The following ELFN1 variants were observed in gnomAD, a reference collection of about 807,000 sequenced individuals.
The protein encoded by ELFN1 is protein ELFN1.
In ELFN1, 6 loss-of-function variants were observed where a neutral mutation model predicts 7.6. That is an observed-to-expected ratio of 0.79 (90% confidence interval 0.43 to 1.56). The LOEUF is 1.56. ELFN1 is among the 40% of genes most tolerant of loss of function. The pLI, the probability that ELFN1 is intolerant of heterozygous loss-of-function variation, is 0.01. For synonymous variants in ELFN1, 657 were observed against 588.1 expected (o/e 1.12, Z -1.70); for missense variants, 1,169 against 1,232.2 (o/e 0.95, Z 0.77).
chr7:1,700,790 G>T (rs891650130), intron 2 of ELFN1, among the ~76,000 whole-genome samples: 1 of 152,252 alleles, frequency 6.6e-6, no homozygotes, highest in Non-Finnish European at 1.5e-5. Context: ...GATGCTTGAA[G>T]CCTCGCCGGT....
In ELFN1 at chr7:1,746,414, C is replaced by T. The variant is rs1175922822; in HGVS notation, c.1818C>T (p.Ala606=). 4 of 1,534,136 alleles carry T rather than the reference C, an allele frequency of 2.6e-6. No homozygotes were observed. Among genetic ancestry groups the T allele is most frequent in the East Asian group, 2.5e-5 (1 of 40,574 alleles). Residue 606 remains alanine, a synonymous_variant, in exon 4 of 4, where the codon GCC becomes GCT. Transcript: ENST00000424383. ...PPLVLLSEPL[A]AKHGFLAPGY... is the part of the protein sequence containing the mutation. ...TGGTGCTGCTGTCCGAGCCGCTGGC[C>T]GCCAAGCACGGCTTCCTGGCGCCCG...
chr7:1,714,995 G>T (rs1362264511), intron 3 of ELFN1, among the ~76,000 whole-genome samples: 1 of 152,200 alleles, frequency 6.6e-6, no homozygotes, highest in Non-Finnish European at 1.5e-5. Flanking sequence ...CACACCTCTG[G>T]CCATCGTATC....
At position 1,676,418 on chromosome 7, in the gene ELFN1, C is replaced by T. The variant is rs374758123; in HGVS notation, c.-549+6064C>T. Among the ~76,000 whole-genome samples, 27 of 152,330 alleles carry T rather than the reference C, an allele frequency of 1.8e-4. 1 individual carries two copies. The East Asian group carries it at 3.7e-3, about 21-fold the overall frequency. On this transcript the variant is annotated intron_variant, in intron 1 of 3. Coordinates refer to ENST00000424383, the MANE Select transcript of ELFN1 (RefSeq NM_001128636.4). ...GGGCTGGGGAGCCTCTGGTGTTCGG[C>T]GTGACCTGAGGTGGGTCCCTTCCCT...
intron 1 of ELFN1, among the ~76,000 whole-genome samples, chr7:1,680,783 CT>C (rs2128576567): frequency 6.7e-6 from 1 of 148,396 alleles, no homozygotes; most frequent in African/African-American, 2.5e-5. Context: ...ACTCTGTTGC[CT>C]AGGCTGGAGT....
intron 2 of ELFN1, among the ~76,000 whole-genome samples, chr7:1,708,319 C>T (rs1779580772): frequency 6.6e-6 from 1 of 152,234 alleles, no homozygotes; most frequent in African/African-American, 2.4e-5. Context: ...GAATCCTCAG[C>T]ACCAGGGCTG....
At chr7:1,709,644 C>T (rs887603211) in intron 3 of ELFN1, among the ~76,000 whole-genome samples, 29 of 152,216 alleles carry the variant, frequency 1.9e-4, no homozygotes, top group African/African-American at 5.8e-4. Flanking sequence ...AGTGTTTGAG[C>T]GTAAAACCAC....
chr7:1,689,355 C>T (rs1201743039), intron 2 of ELFN1, among the ~76,000 whole-genome samples: 1 of 152,216 alleles, frequency 6.6e-6, no homozygotes, highest in Non-Finnish European at 1.5e-5. Flanking sequence ...TCTAATGTGT[C>T]TGAGGGCTCA....
intron 3 of ELFN1, among the ~76,000 whole-genome samples, chr7:1,743,888 C>A (rs1177530636): frequency 6.6e-6 from 1 of 152,224 alleles, no homozygotes; most frequent in Non-Finnish European, 1.5e-5. Context: ...ACTCCTCAGC[C>A]AAGCGACTTT....
At chr7:1,736,068 G>A (rs1438629108) in intron 3 of ELFN1, among the ~76,000 whole-genome samples, 1 of 152,164 alleles carries the variant, frequency 6.6e-6, no homozygotes, top group East Asian at 1.9e-4. Flanking sequence ...CCGGGTCACC[G>A]TGGCAGGCCT....
intron 1 of ELFN1, among the ~76,000 whole-genome samples, chr7:1,677,022 G>GT (rs1176175618): frequency 6.6e-6 from 1 of 152,216 alleles, no homozygotes; most frequent in Admixed American, 6.5e-5. Flanking sequence ...CCCGTACTGG[G>GT]TGCCGACGCT....
intron 1 of ELFN1, among the ~76,000 whole-genome samples, chr7:1,676,337 AT>A (rs1361551865): frequency 2.6e-5 from 4 of 152,134 alleles, no homozygotes; most frequent in Non-Finnish European, 5.9e-5. Flanking sequence ...CCACCCCTGC[AT>A]CTATCTGTCC....
At chr7:1,706,286 G>T (rs1210072610) in intron 2 of ELFN1, among the ~76,000 whole-genome samples, 2 of 152,218 alleles carry the variant, frequency 1.3e-5, no homozygotes, top group African/African-American at 4.8e-5. Context: ...AGCCAGGCAT[G>T]GTGGTGGGTG....
chr7:1,722,860 G>T (rs1780065344), intron 3 of ELFN1, among the ~76,000 whole-genome samples: 1 of 152,228 alleles, frequency 6.6e-6, no homozygotes, highest in African/African-American at 2.4e-5. Context: ...CCTGTGCAAT[G>T]AAAGCTTCCC....
At position 1,673,054 on chromosome 7, in the gene ELFN1, G is replaced by A. The variant is rs373990951; in HGVS notation, c.-549+2700G>A. On this transcript the variant is annotated intron_variant, in intron 1 of 3. Transcript: ENST00000424383. This position sits in a 1 kb window ranked among gnomAD's most constrained non-coding sequence, Gnocchi z 4.7. Reference sequence around the variant, plus strand: ...CTGGAGCGGATGGTGGCACCGCCGCGGACATTGGATACATTTGTCATCTCT... The same window carrying A: ...CTGGAGCGGATGGTGGCACCGCCGCAGACATTGGATACATTTGTCATCTCT... Among the ~76,000 whole-genome samples the A allele has an allele frequency of 1.8e-4, 27 of 151,672 alleles. No individual in the cohort carries two copies. Among genetic ancestry groups the A allele is most frequent in the African/African-American group, 4.4e-4 (18 of 41,200 alleles).
intron 1 of ELFN1, among the ~76,000 whole-genome samples, chr7:1,675,208 T>A (rs7383874): frequency 0.21 from 32,199 of 152,102 alleles, 4,260 homozygotes; most frequent in Non-Finnish European, 0.29. Flanking sequence ...GAAGCGCATC[T>A]CTCTGCTGTC....
chr7:1,667,494 C>A (rs752497714), upstream of ELFN1, among the ~76,000 whole-genome samples: 80 of 152,304 alleles, frequency 5.3e-4, no homozygotes, highest in African/African-American at 1.8e-3. The surrounding 1 kb of genome is among the most constrained non-coding windows in gnomAD (Gnocchi z 8.2). Flanking sequence ...GGCGTCCCCC[C>A]TTCAGCGTCG....
intron 1 of ELFN1, among the ~76,000 whole-genome samples, chr7:1,681,294 G>A (rs1041390890): frequency 3.9e-5 from 6 of 152,328 alleles, no homozygotes; most frequent in South Asian, 2.1e-4. Flanking sequence ...GAATCATGCC[G>A]CTGTGAACAT....
At chr7:1,703,150 G>A (rs1185965627) in intron 2 of ELFN1, among the ~76,000 whole-genome samples, 1 of 152,178 alleles carries the variant, frequency 6.6e-6, no homozygotes, top group Non-Finnish European at 1.5e-5. Flanking sequence ...TTATACGGGA[G>A]GTTGAGCATT....
rs576316385 is a variant in ELFN1, at chr7:1,671,366, G to A, written c.-549+1012G>A. Among the ~76,000 whole-genome samples, 6 of 152,346 alleles carry A rather than the reference G, an allele frequency of 3.9e-5. No homozygotes were observed. The East Asian group carries it at 9.7e-4, about 25-fold the overall frequency. ...GAGGCCGGCCGAGCCAGGTGTGCAC[G>A]TCCTCAAAAAGCCTCCGTGCCAGCA... On this transcript the variant is annotated intron_variant, in intron 1 of 3. Coordinates refer to ENST00000424383, the MANE Select transcript of ELFN1 (RefSeq NM_001128636.4).
Sources: gnomAD v4.1 joint callset for allele counts (sites outside exome capture counted in the v4.1 genomes callset) on GRCh38, gnomAD v4.1.1 for gene constraint, Gnocchi (gnomAD v3.1) non-coding constraint, MANE v1.5 for transcripts, NCBI Gene and HGNC (gene_info 2026-07-23, HGNC 2026-07-21) for gene names.